GPHN: variants seen among roughly 807,000 people sequenced by gnomAD.
The protein encoded by GPHN is gephyrin.
A neutral mutation model predicts 95.5 loss-of-function variants in GPHN; 17 were observed. The ratio of observed to expected loss-of-function variants is 0.18; its 90% CI spans 0.12 to 0.27. The LOEUF (loss-of-function observed/expected upper bound fraction) is 0.27, where lower values mean the gene tolerates loss of function less well. Among genes scored for constraint, GPHN ranks in the 10% least tolerant of loss-of-function variants. The pLI is 1.00. For missense variants in GPHN, 660 were observed against 978.1 expected (o/e 0.67, Z 4.34); for synonymous variants, 320 against 322.5 (o/e 0.99, Z 0.08).
the GPHN span, among the ~76,000 whole-genome samples, chr14:67,598,304 G>A: frequency 2.0e-5 from 3 of 152,212 alleles, no homozygotes; most frequent in East Asian, 1.9e-4. Context: ...AGAGTACACC[G>A]GCATGAGAGA....
intron 1 of GPHN, among the ~76,000 whole-genome samples, chr14:66,625,151 T>C (rs1408688373): frequency 6.6e-6 from 1 of 152,048 alleles, no homozygotes; most frequent in Non-Finnish European, 1.5e-5. Context: ...TACGAGATGG[T>C]CACTATAGCC....
At position 67,158,989 on chromosome 14, in the gene GPHN, C is replaced by T. The variant is rs952449386; in HGVS notation, c.1837-426C>T. 2.6e-5 allele frequency among the ~76,000 whole-genome samples: 4 copies of T among 152,086 alleles called. 1 individual carries two copies. The highest frequency in any genetic ancestry group is 4.1e-4 in the South Asian group (2 of 4,826). ...GATACATACATGTAGGTTTCTTGCC[C>T]GGGTACAACTTAAGACATATTTGTT... On this transcript the variant is annotated intron_variant, in intron 18 of 22. Coordinates refer to ENST00000478722, the MANE Select transcript of GPHN (RefSeq NM_020806.5).
chr14:67,387,075 G>GT, the GPHN span: 1 of 316,390 alleles, frequency 3.2e-6, no homozygotes, highest in Non-Finnish European at 5.7e-6. Context: ...GGAAATGGCT[G>GT]TTTGTGATGC....
the GPHN span, among the ~76,000 whole-genome samples, chr14:67,439,114 G>T: frequency 6.6e-6 from 1 of 152,172 alleles, no homozygotes; most frequent in Non-Finnish European, 1.5e-5. Flanking sequence ...AGCTAGGAAA[G>T]TCCAAAGCAC....
At chr14:66,775,459 T>C (rs561704122) in intron 2 of GPHN, among the ~76,000 whole-genome samples, 2 of 152,286 alleles carry the variant, frequency 1.3e-5, no homozygotes, top group East Asian at 3.9e-4. Flanking sequence ...TTTTAAAAAG[T>C]AAAAACAGAT....
intron 4 of GPHN, among the ~76,000 whole-genome samples, chr14:66,879,510 A>C (rs566046269): frequency 6.6e-6 from 1 of 152,068 alleles, no homozygotes; most frequent in Non-Finnish European, 1.5e-5. Flanking sequence ...TTATAAAAGC[A>C]TAGAGCTAGG....
At chr14:67,107,756 G>A (rs1253370059) in intron 13 of GPHN, among the ~76,000 whole-genome samples, 1 of 152,048 alleles carries the variant, frequency 6.6e-6, no homozygotes, top group Non-Finnish European at 1.5e-5. Context: ...TCCCCGGGGG[G>A]GCCAAGGATC....
chr14:67,505,810 A>G, the GPHN span, among the ~76,000 whole-genome samples: 5 of 151,840 alleles, frequency 3.3e-5, no homozygotes, highest in African/African-American at 1.2e-4. Flanking sequence ...GGGTTCAAGC[A>G]ATTCTCCTGC....
the GPHN span, among the ~76,000 whole-genome samples, chr14:67,708,898 T>C: frequency 6.6e-6 from 1 of 151,830 alleles, no homozygotes; most frequent in African/African-American, 2.4e-5. Flanking sequence ...GTTCAAGTGA[T>C]TCTCCTGCCT....
intron 4 of GPHN, among the ~76,000 whole-genome samples, chr14:66,851,210 A>G (rs962655328): frequency 2.0e-5 from 3 of 151,962 alleles, no homozygotes; most frequent in African/African-American, 7.2e-5. Context: ...TCAAAAACTG[A>G]ACATATCTAT....
chr14:67,412,973 A>G, the GPHN span, among the ~76,000 whole-genome samples: 4 of 152,292 alleles, frequency 2.6e-5, no homozygotes, highest in Admixed American at 2.6e-4. Context: ...TATGTTGCCC[A>G]GGCTGGTCTT....
intron 2 of GPHN, among the ~76,000 whole-genome samples, chr14:66,683,517 A>AT (rs746473636): frequency 5.3e-4 from 61 of 114,510 alleles, no homozygotes; most frequent in Middle Eastern, 4.3e-3. Context: ...GTAGGTGAGT[A>AT]TTTTTTTTTT....
intron 10 of GPHN, among the ~76,000 whole-genome samples, chr14:67,047,015 G>A (rs570219932): frequency 4.6e-5 from 7 of 152,096 alleles, no homozygotes; most frequent in African/African-American, 9.6e-5. Context: ...TATCTTAGGC[G>A]GTTTGCTCTT....
At chr14:66,789,630 ATACTGAAT>A (rs2059904142) in intron 3 of GPHN, among the ~76,000 whole-genome samples, 1 of 152,174 alleles carries the variant, frequency 6.6e-6, no homozygotes, top group African/African-American at 2.4e-5. Context: ...TCTCATTTTT[ATACTGAAT>A]CCTGGATCCC....
At chr14:67,476,925 AGACCAGCCT>A in the GPHN span, among the ~76,000 whole-genome samples, 3 of 152,308 alleles carry the variant, frequency 2.0e-5, no homozygotes, top group African/African-American at 7.2e-5. Flanking sequence ...CAGGAGTTCA[AGACCAGCCT>A]GACCAAAATG....
the GPHN span, among the ~76,000 whole-genome samples, chr14:67,239,499 A>T: frequency 3.9e-5 from 6 of 152,210 alleles, no homozygotes; most frequent in Admixed American, 2.0e-4. Flanking sequence ...TATAAGCTAG[A>T]GAAAGAAGAA....
At chr14:66,690,465 G>T (rs2067694938) in intron 2 of GPHN, among the ~76,000 whole-genome samples, 1 of 152,174 alleles carries the variant, frequency 6.6e-6, no homozygotes, top group East Asian at 1.9e-4. Flanking sequence ...CTGTTCTGGA[G>T]AATATTCCAT....
the GPHN span, among the ~76,000 whole-genome samples, chr14:67,673,880 G>A: frequency 5.9e-5 from 9 of 152,082 alleles, no homozygotes. Context: ...ACATCTAAAT[G>A]CCACAATCAG....
chr14:67,276,403 A>G, the GPHN span, among the ~76,000 whole-genome samples: 1 of 152,086 alleles, frequency 6.6e-6, no homozygotes, highest in Non-Finnish European at 1.5e-5. Flanking sequence ...TATCTGGCTA[A>G]TTTTTAGTTG....
Sources: gnomAD v4.1 joint callset for allele counts (sites outside exome capture counted in the v4.1 genomes callset) on GRCh38, gnomAD v4.1.1 for gene constraint, MANE v1.5 for transcripts, NCBI Gene and HGNC (gene_info 2026-07-23, HGNC 2026-07-21) for gene names.